The following RAB3C variants were observed in gnomAD, a reference collection of about 807,000 sequenced individuals.
RAB3C encodes ras-related protein Rab-3C.
Under a neutral mutation model 26.4 loss-of-function variants are expected in RAB3C, and 17 were observed. The observed-to-expected ratio is 0.64, with a 90% CI of 0.44 to 0.97. RAB3C has a LOEUF of 0.97. RAB3C is among the 50% of genes least tolerant of loss of function. RAB3C has a pLI of 0.00. For synonymous variants in RAB3C, 91 were observed against 95.9 expected, an observed-to-expected ratio of 0.95 and a Z score of 0.30; for missense variants, 242 against 281.9, an observed-to-expected ratio of 0.86 and a Z score of 1.01.
intron 2 of RAB3C, among the ~76,000 whole-genome samples, chr5:58,717,633 C>A (rs1035622768): frequency 2.4e-4 from 36 of 152,198 alleles, no homozygotes; most frequent in Middle Eastern, 3.4e-3. Flanking sequence ...TACATCATAG[C>A]TTTCCACACC....
chr5:58,809,977 T>C (rs946990513), intron 3 of RAB3C, among the ~76,000 whole-genome samples: 27 of 152,256 alleles, frequency 1.8e-4, no homozygotes, highest in African/African-American at 6.0e-4. Flanking sequence ...ACATTGTTTG[T>C]GGCAGATGAA....
At chr5:58,839,621 C>T (rs1055756470) in intron 4 of RAB3C, among the ~76,000 whole-genome samples, 10 of 152,200 alleles carry the variant, frequency 6.6e-5, no homozygotes, top group South Asian at 6.2e-4. Flanking sequence ...CCACCCGCCT[C>T]GGCCTCCCAA....
At chr5:58,743,551 C>A (rs1374970522) in intron 3 of RAB3C, among the ~76,000 whole-genome samples, 2 of 152,086 alleles carry the variant, frequency 1.3e-5, no homozygotes, top group Non-Finnish European at 2.9e-5. Flanking sequence ...TCCTAATGCT[C>A]TCCCTCCCCC....
chr5:58,636,758 A>G (rs1044384745), intron 2 of RAB3C, among the ~76,000 whole-genome samples: 2 of 152,226 alleles, frequency 1.3e-5, no homozygotes, highest in Non-Finnish European at 2.9e-5. Flanking sequence ...GTTCCCGAAG[A>G]ACATTGTTGC....
chr5:58,756,846 A>G (rs1044425087), intron 3 of RAB3C, among the ~76,000 whole-genome samples: 2 of 151,558 alleles, frequency 1.3e-5, no homozygotes, highest in African/African-American at 2.4e-5. Context: ...TTTATCATTG[A>G]TGGGCATTTG....
intron 2 of RAB3C, among the ~76,000 whole-genome samples, chr5:58,650,634 T>C (rs904501670): frequency 1.3e-5 from 2 of 152,314 alleles, no homozygotes; most frequent in African/African-American, 4.8e-5. Flanking sequence ...TTCATAATTA[T>C]AGTTGTAAAT....
At chr5:58,606,077 A>C (rs1746561937) in intron 1 of RAB3C, among the ~76,000 whole-genome samples, 2 of 152,186 alleles carry the variant, frequency 1.3e-5, no homozygotes, top group Admixed American at 1.3e-4. Flanking sequence ...ACGGAGGGTG[A>C]GCTGAAGCAG....
At chr5:58,693,353 T>TATATATCTATATATATAC (rs1748619503) in intron 2 of RAB3C, among the ~76,000 whole-genome samples, 1 of 142,292 alleles carries the variant, frequency 7.0e-6, no homozygotes, top group African/African-American at 2.7e-5. Context: ...TATATATATA[T>TATATATCTATATATATAC]ATATATATAA....
rs907912770 is a variant in RAB3C at position 58,630,552 on chromosome 5, A to T, written c.252+12682A>T. On this transcript the variant is annotated intron_variant, in intron 2 of 4. Transcript: ENST00000282878. ...AAGTGGCATTTAAAAAAATCTCATT[A>T]TATCTGGCTTAATCAAAGACAGCTG... 3.3e-5 allele frequency among the ~76,000 whole-genome samples: 5 copies of T among 152,342 alleles called. No individual in the cohort carries two copies. The East Asian group carries it at 9.6e-4, about 29-fold the overall frequency.
chr5:58,831,901 A>G (rs762829113), intron 4 of RAB3C, among the ~76,000 whole-genome samples: 22 of 152,312 alleles, frequency 1.4e-4, no homozygotes, highest in Middle Eastern at 3.4e-3. Flanking sequence ...TAAAAATCCT[A>G]GTGACCAAGC....
intron 2 of RAB3C, among the ~76,000 whole-genome samples, chr5:58,687,261 T>C (rs942573489): frequency 2.0e-5 from 3 of 152,162 alleles, no homozygotes; most frequent in South Asian, 4.1e-4. Flanking sequence ...AATCATATTT[T>C]ATGCCAAGTT....
At chr5:58,744,653 A>C (rs1051130446) in intron 3 of RAB3C, among the ~76,000 whole-genome samples, 10 of 152,240 alleles carry the variant, frequency 6.6e-5, no homozygotes, top group African/African-American at 2.4e-4. Flanking sequence ...CTGAATTGGC[A>C]CAGGGGAATG....
chr5:58,832,197 C>T (rs2112068735), intron 4 of RAB3C, among the ~76,000 whole-genome samples: 1 of 152,246 alleles, frequency 6.6e-6, no homozygotes. Context: ...CCAATAGGTG[C>T]ATGGATTTTA....
rs1744168635 is a variant in RAB3C at position 58,853,765 on chromosome 5, CATTG to C, written c.*2418_*2421del. The C allele has an allele frequency of 6.6e-6, 1 of 152,084 alleles. No individual in the cohort carries two copies. The highest frequency in any genetic ancestry group is 6.5e-5 in the Admixed American group (1 of 15,268). The allele number at this position is 152,084 out of a possible 1,614,324, so 9.4% of individuals were successfully genotyped here. ...ACCCCAATGGAAGTGAGGCCTTTTT[CATTG>C]ATTCTCAGTTCTGAAACTCCCACCC... On this transcript the variant is annotated 3_prime_UTR_variant, in exon 5 of 5. Coordinates refer to ENST00000282878, the MANE Select transcript of RAB3C (RefSeq NM_138453.4).
Position 58,814,192 on chromosome 5 carries a change from T to G in RAB3C, c.372-10846T>G, listed in dbSNP as rs139724385. On this transcript the variant is annotated intron_variant, in intron 3 of 4. Coordinates refer to ENST00000282878, the MANE Select transcript of RAB3C (RefSeq NM_138453.4). ...GAGCGAGTTTTCTTCTTTGGTTCTC[T>G]TCTTCTCTTAATACCCTCTTCCCCT... Among the ~76,000 whole-genome samples the G allele has an allele frequency of 1.4e-3, 212 of 152,328 alleles. 1 individual carries two copies. Among genetic ancestry groups the G allele is most frequent in the African/African-American group, 4.3e-3 (178 of 41,582 alleles).
intron 2 of RAB3C, among the ~76,000 whole-genome samples, chr5:58,633,804 A>G (rs1468143198): frequency 6.6e-6 from 1 of 152,114 alleles, no homozygotes; most frequent in Non-Finnish European, 1.5e-5. Flanking sequence ...AGTTATGATC[A>G]TGCTCGTTTA....
rs10691454 is a variant in RAB3C at position 58,805,603 on chromosome 5, A to AAAAAAAG, written c.372-19434_372-19433insAAAAAGA. Among the ~76,000 whole-genome samples, 115 of 132,950 alleles carry AAAAAAAG rather than the reference A, an allele frequency of 8.6e-4. 1 individual carries two copies. The highest frequency in any genetic ancestry group is 1.0e-3 in the Non-Finnish European group (64 of 63,926). The allele number at this position is 132,950 out of a possible 152,430, so 87.2% of individuals were successfully genotyped here. On this transcript the variant is annotated intron_variant, in intron 3 of 4. Transcript: ENST00000282878. Reference sequence around the variant, plus strand: ...AGACTCCATCTGAAAAAAAAAAAAAAAGAGAGAGAGAGAAAAAAAGAAAAG... The same window carrying AAAAAAAG: ...AGACTCCATCTGAAAAAAAAAAAAAAAAAAAAGAGAGAGAGAGAGAAAAAAAGAAAAG...
At chr5:58,823,628 C>A in intron 3 of RAB3C, 1 of 208,444 alleles carries the variant, frequency 4.8e-6, no homozygotes, top group South Asian at 9.3e-5. Context: ...GGAAACATCC[C>A]AAAATGTCCC....
At position 58,675,109 on chromosome 5, in the gene RAB3C, T is replaced by TC. The variant is rs201347627; in HGVS notation, c.253-50889dup. Among the ~76,000 whole-genome samples the TC allele has an allele frequency of 5.4e-3, 824 of 152,088 alleles. 7 individuals are homozygous for TC. The highest frequency in any genetic ancestry group is 0.018 in the African/African-American group (766 of 41,494). ...CTTTTCCTAAGTACTTTTCTCATGC[T>TC]CCCCGCAGGCAAGATTTGCTGCAAG... On this transcript the variant is annotated intron_variant, in intron 2 of 4. Coordinates refer to ENST00000282878, the MANE Select transcript of RAB3C (RefSeq NM_138453.4).
Sources: allele counts gnomAD v4.1 joint callset (sites outside exome capture counted in the v4.1 genomes callset), GRCh38; gene constraint gnomAD v4.1.1; transcripts MANE v1.5; gene names NCBI Gene and HGNC (gene_info 2026-07-23, HGNC 2026-07-21).